The following LCLAT1 variants were observed in gnomAD, a reference collection of about 807,000 sequenced individuals.
LCLAT1 encodes the protein lysocardiolipin acyltransferase 1, also known as 1-AGP acyltransferase 8.
Under a neutral mutation model 30.7 loss-of-function variants are expected in LCLAT1, and 11 were observed. The ratio of observed to expected loss-of-function variants is 0.36; its 90% CI spans 0.23 to 0.59. LCLAT1 has a LOEUF of 0.59. LCLAT1 is among the 20% of genes least tolerant of loss of function. The pLI is 0.77. For missense variants in LCLAT1, 402 were observed against 458.6 expected (o/e 0.88, Z 1.13); for synonymous variants, 155 against 151.3 (o/e 1.02, Z -0.18).
At chr2:30,534,303 C>T (rs1481263794) in intron 3 of LCLAT1, among the ~76,000 whole-genome samples, 1 of 151,010 alleles carries the variant, frequency 6.6e-6, no homozygotes, top group Non-Finnish European at 1.5e-5. Flanking sequence ...CTCTGTCGCT[C>T]AGGCTGGAGT....
chr2:30,574,153 T>C (rs1028829037), intron 5 of LCLAT1, among the ~76,000 whole-genome samples: 2 of 151,388 alleles, frequency 1.3e-5, no homozygotes, highest in Non-Finnish European at 2.9e-5. Flanking sequence ...AAAAAAATAA[T>C]AATAATAATA....
intron 3 of LCLAT1, among the ~76,000 whole-genome samples, chr2:30,559,137 A>G (rs1665077736): frequency 6.6e-6 from 1 of 152,220 alleles, no homozygotes; most frequent in African/African-American, 2.4e-5. Flanking sequence ...TTCTACTTAT[A>G]TGATTTGTGG....
At chr2:30,588,185 T>G (rs1352002443) in intron 5 of LCLAT1, among the ~76,000 whole-genome samples, 1 of 152,224 alleles carries the variant, frequency 6.6e-6, no homozygotes, top group Non-Finnish European at 1.5e-5. Flanking sequence ...CTCCTGACGT[T>G]TTCAACCCTC....
At chr2:30,625,898 AG>A (rs1368642382) in intron 5 of LCLAT1, among the ~76,000 whole-genome samples, 2 of 152,228 alleles carry the variant, frequency 1.3e-5, no homozygotes, top group Non-Finnish European at 2.9e-5. Context: ...CAAGTATAAA[AG>A]AAAGATAATT....
intron 5 of LCLAT1, among the ~76,000 whole-genome samples, chr2:30,577,516 A>G (rs569477463): frequency 6.6e-6 from 1 of 152,258 alleles, no homozygotes; most frequent in South Asian, 2.1e-4. Context: ...GTGGTAATTA[A>G]TAACTTAATC....
intron 1 of LCLAT1, chr2:30,489,138 T>A (rs879381752): frequency 6.6e-6 from 1 of 152,184 alleles, no homozygotes; most frequent in East Asian, 1.9e-4. Context: ...CTTAATCTTA[T>A]TACAGACATT....
chr2:30,613,185 A>C (rs1667823689), intron 5 of LCLAT1, among the ~76,000 whole-genome samples: 1 of 152,152 alleles, frequency 6.6e-6, no homozygotes, highest in South Asian at 2.1e-4. Flanking sequence ...GCAGAAAGGT[A>C]AATGTTTGCC....
chr2:30,547,894 T>C (rs1664499910), intron 3 of LCLAT1, among the ~76,000 whole-genome samples: 1 of 152,194 alleles, frequency 6.6e-6, no homozygotes, highest in Non-Finnish European at 1.5e-5. Flanking sequence ...ATAAGAAATG[T>C]ATCCATTGTT....
intron 1 of LCLAT1, among the ~76,000 whole-genome samples, chr2:30,460,773 C>G (rs1177064739): frequency 1.3e-5 from 2 of 152,148 alleles, no homozygotes; most frequent in Non-Finnish European, 2.9e-5. Flanking sequence ...AGCCCCATCC[C>G]CTGGTCTCTG....
At chr2:30,625,138 A>C (rs1161092710) in intron 5 of LCLAT1, among the ~76,000 whole-genome samples, 1 of 152,206 alleles carries the variant, frequency 6.6e-6, no homozygotes, top group South Asian at 2.1e-4. Flanking sequence ...GCCTATATCA[A>C]AAAGTCTGAA....
intron 1 of LCLAT1, among the ~76,000 whole-genome samples, chr2:30,499,084 A>G (rs1242206311): frequency 2.0e-5 from 3 of 152,162 alleles, no homozygotes; most frequent in African/African-American, 7.2e-5. Context: ...TGGGCCACTG[A>G]TTTCGGATGA....
At chr2:30,552,588 A>G (rs1343978115) in intron 3 of LCLAT1, 4 of 441,572 alleles carry the variant, frequency 9.1e-6, no homozygotes, top group Non-Finnish European at 1.8e-5. Flanking sequence ...AGTTTTTAAA[A>G]GCCTTCGTGG....
intron 1 of LCLAT1, among the ~76,000 whole-genome samples, chr2:30,508,822 A>C (rs1349169626): frequency 6.6e-6 from 1 of 152,170 alleles, no homozygotes; most frequent in Non-Finnish European, 1.5e-5. Flanking sequence ...TGGTTGTTTA[A>C]TAGGAATAGC....
At position 30,533,097 on chromosome 2, in the gene LCLAT1, A is replaced by C. The variant is rs763688346; in HGVS notation, c.166-19A>C. On this transcript the variant is annotated intron_variant, in intron 2 of 5. Transcript: ENST00000379509. ...AAATCATAACTTTAATTTGCTGTATATCTGTATTGTTTTCTTAGGCATTAT... is the reference window on the plus strand; with the variant it reads ...AAATCATAACTTTAATTTGCTGTATCTCTGTATTGTTTTCTTAGGCATTAT... 2.6e-6 allele frequency: 4 copies of C among 1,550,296 alleles called. No individual in the cohort carries two copies. Among genetic ancestry groups the C allele is most frequent in the Non-Finnish European group, 3.6e-6 (4 of 1,121,844 alleles).
chr2:30,454,607 C>T (rs938705701), intron 1 of LCLAT1, among the ~76,000 whole-genome samples: 7 of 150,096 alleles, frequency 4.7e-5, no homozygotes, highest in East Asian at 2.0e-4. Flanking sequence ...CATGTGCCAC[C>T]GCGTCTGGCT....
intron 1 of LCLAT1, among the ~76,000 whole-genome samples, chr2:30,468,435 A>G (rs1682589993): frequency 6.6e-6 from 1 of 152,110 alleles, no homozygotes; most frequent in Non-Finnish European, 1.5e-5. Flanking sequence ...TGCCCTGCAA[A>G]ATTAATTGAA....
At chr2:30,593,881 C>T (rs1426021513) in intron 5 of LCLAT1, among the ~76,000 whole-genome samples, 1 of 150,072 alleles carries the variant, frequency 6.7e-6, no homozygotes. Context: ...TGTGATTGCA[C>T]CACTGCATTC....
intron 5 of LCLAT1, among the ~76,000 whole-genome samples, chr2:30,628,827 G>T (rs1668635224): frequency 6.6e-6 from 1 of 152,140 alleles, no homozygotes; most frequent in Non-Finnish European, 1.5e-5. Context: ...AGAAATATAG[G>T]ATACATGTAT....
chr2:30,459,491 C>T, intron 1 of LCLAT1: 3 of 733,990 alleles, frequency 4.1e-6, no homozygotes, highest in East Asian at 2.4e-5. Flanking sequence ...ATCTGATGAG[C>T]CCGGTGCACT....
Sources: allele counts gnomAD v4.1 joint callset (sites outside exome capture counted in the v4.1 genomes callset), GRCh38; gene constraint gnomAD v4.1.1; transcripts MANE v1.5; gene names NCBI Gene and HGNC (gene_info 2026-07-23, HGNC 2026-07-21).